The following CLIC4 variants were observed in gnomAD, a reference collection of about 807,000 sequenced individuals.
CLIC4 encodes chloride intracellular channel protein 4.
Under a neutral mutation model 24.6 loss-of-function variants are expected in CLIC4, and 13 were observed. The observed-to-expected ratio is 0.53, with a 90% confidence interval of 0.34 to 0.84. CLIC4 has a LOEUF of 0.84. CLIC4 is among the 40% of genes least tolerant of loss of function. CLIC4 has a pLI of 0.01. For synonymous variants in CLIC4, 104 were observed against 111.3 expected (o/e 0.93, Z 0.41); for missense variants, 227 against 301.7 (o/e 0.75, Z 1.83).
chr1:24,799,586 C>T (rs4644441), intron 2 of CLIC4, among the ~76,000 whole-genome samples: 85,502 of 142,250 alleles, frequency 0.6, 26,371 homozygotes, highest in Non-Finnish European at 0.69. Flanking sequence ...GCCGCCCCGT[C>T]GGGGAGGGAG....
At chr1:24,760,381 A>G (rs3120833) in intron 1 of CLIC4, among the ~76,000 whole-genome samples, 1,804 of 152,242 alleles carry the variant, frequency 0.012, 32 homozygotes, top group African/African-American at 0.041. Flanking sequence ...AAAAAGAAAA[A>G]GAAAAGAAAA....
chr1:24,813,249 G>A (rs1056935690), intron 2 of CLIC4, among the ~76,000 whole-genome samples: 1 of 151,582 alleles, frequency 6.6e-6, no homozygotes, highest in African/African-American at 2.4e-5. Context: ...TCACCATGTT[G>A]GTCAGGCTGG....
intron 1 of CLIC4, among the ~76,000 whole-genome samples, chr1:24,774,061 C>T (rs537984780): frequency 1.8e-4 from 28 of 152,326 alleles, no homozygotes; most frequent in African/African-American, 6.5e-4. Context: ...CAACCTCTGC[C>T]TCTTGGAGTC....
At chr1:24,799,698 T>TA (rs1639456096) in intron 2 of CLIC4, among the ~76,000 whole-genome samples, 1 of 64,408 alleles carries the variant, frequency 1.6e-5, no homozygotes. Context: ...GGGAGGGAGG[T>TA]GGGGGGGTCA....
At chr1:24,782,565 A>G (rs981294708) in intron 1 of CLIC4, among the ~76,000 whole-genome samples, 1 of 152,322 alleles carries the variant, frequency 6.6e-6, no homozygotes, top group African/African-American at 2.4e-5. Context: ...TGAAGATAAT[A>G]TATAAATGAT....
intron 1 of CLIC4, among the ~76,000 whole-genome samples, chr1:24,748,079 C>T (rs984226481): frequency 1.3e-5 from 2 of 151,002 alleles, no homozygotes; most frequent in Non-Finnish European, 2.9e-5. Flanking sequence ...ATTCAGTATT[C>T]TATTATTCTA....
rs1212033050 is a variant in CLIC4, at chr1:24,820,067, G to GTGTATATATATATATATATATATATATA, written c.308+5849_308+5850insGTATATATATATATATATATATATATAT. Among the ~76,000 whole-genome samples, 24 of 36,470 alleles carry GTGTATATATATATATATATATATATATA rather than the reference G, an allele frequency of 6.6e-4. 3 individuals are homozygous for GTGTATATATATATATATATATATATATA. Among genetic ancestry groups the GTGTATATATATATATATATATATATATA allele is most frequent in the East Asian group, 2.3e-3 (2 of 866 alleles). 23.9% of individuals were successfully genotyped at this position (36,470 alleles called of 152,430 possible). A position where few individuals can be genotyped will look rare whatever the true frequency, so the allele number is the denominator to read the frequency against. On this transcript the variant is annotated intron_variant, in intron 3 of 5. Coordinates refer to ENST00000374379, the MANE Select transcript of CLIC4 (RefSeq NM_013943.3). ...TACTTCAAAAAAAAAAAAAAAGTAT[G>GTGTATATATATATATATATATATATATA]TATATATATATGTATATATATATAT...
chr1:24,768,184 C>T (rs1296731491), intron 1 of CLIC4, among the ~76,000 whole-genome samples: 1 of 152,064 alleles, frequency 6.6e-6, no homozygotes, highest in Non-Finnish European at 1.5e-5. Flanking sequence ...GCCATGTTGC[C>T]CAGGCTGGTC....
At chr1:24,773,788 G>A (rs1363493409) in intron 1 of CLIC4, among the ~76,000 whole-genome samples, 1 of 151,528 alleles carries the variant, frequency 6.6e-6, no homozygotes, top group Non-Finnish European at 1.5e-5. Context: ...ATAGAGATGG[G>A]GGTCTCACTG....
At chr1:24,790,736 C>T (rs988246993) in intron 1 of CLIC4, among the ~76,000 whole-genome samples, 2 of 152,098 alleles carry the variant, frequency 1.3e-5, no homozygotes, top group African/African-American at 4.8e-5. Context: ...GTTTGGAGGC[C>T]CTGGTTTCCT....
At chr1:24,753,017 A>C (rs79070656) in intron 1 of CLIC4, among the ~76,000 whole-genome samples, 3 of 152,136 alleles carry the variant, frequency 2.0e-5, no homozygotes, top group Admixed American at 6.5e-5. Context: ...CACCGCGCCC[A>C]GCCTAATAGT....
intron 1 of CLIC4, among the ~76,000 whole-genome samples, chr1:24,796,108 A>T (rs1639396859): frequency 6.6e-6 from 1 of 152,200 alleles, no homozygotes; most frequent in South Asian, 2.1e-4. Context: ...TTATGAAAAC[A>T]TATTGTTTAT....
intron 2 of CLIC4, among the ~76,000 whole-genome samples, chr1:24,803,037 C>G (rs1639507857): frequency 6.6e-6 from 1 of 152,120 alleles, no homozygotes; most frequent in African/African-American, 2.4e-5. Flanking sequence ...TGAGTTTACA[C>G]ACTTGCAGTC....
intron 4 of CLIC4, among the ~76,000 whole-genome samples, chr1:24,831,442 T>C (rs924875421): frequency 6.6e-6 from 1 of 152,192 alleles, no homozygotes; most frequent in African/African-American, 2.4e-5. Context: ...AACATTAATT[T>C]AGAGCAGGTC....
rs1422396670 is a variant in CLIC4, at chr1:24,799,537, C to A, written c.182+1686C>A. Among the ~76,000 whole-genome samples the A allele has an allele frequency of 5.3e-5, 8 of 151,610 alleles. No homozygotes were observed. The East Asian group carries it at 5.9e-4, about 11-fold the overall frequency. ...GTGAGGAGCGTCTCCGCCCGGCAGC[C>A]CCCCCATCTGGGAAGTGAGGAGCGT... On this transcript the variant is annotated intron_variant, in intron 2 of 5. Transcript: ENST00000374379.
intron 4 of CLIC4, among the ~76,000 whole-genome samples, chr1:24,830,642 G>C (rs1447051121): frequency 1.3e-5 from 2 of 152,030 alleles, no homozygotes; most frequent in Non-Finnish European, 2.9e-5. Context: ...TTAGGACCCT[G>C]GTGTGTGTTA....
At chr1:24,777,124 G>C (rs1044421921) in intron 1 of CLIC4, among the ~76,000 whole-genome samples, 1 of 152,286 alleles carries the variant, frequency 6.6e-6, no homozygotes, top group African/African-American at 2.4e-5. Context: ...GCATGTGTGT[G>C]TGTATTTTGT....
At chr1:24,839,135 A>G (rs1305376745) in intron 4 of CLIC4, among the ~76,000 whole-genome samples, 9 of 152,320 alleles carry the variant, frequency 5.9e-5, no homozygotes, top group South Asian at 2.1e-4. Flanking sequence ...TGATAAATCA[A>G]AATATTCCTG....
chr1:24,787,702 A>ATTT (rs530843479), intron 1 of CLIC4, among the ~76,000 whole-genome samples: 3 of 139,136 alleles, frequency 2.2e-5, no homozygotes, highest in Non-Finnish European at 4.7e-5. Context: ...CGCCAGGCTA[A>ATTT]TTTTTTTTTT....
Sources: gnomAD v4.1 joint callset for allele counts (sites outside exome capture counted in the v4.1 genomes callset) on GRCh38, gnomAD v4.1.1 for gene constraint, MANE v1.5 for transcripts, NCBI Gene and HGNC (gene_info 2026-07-23, HGNC 2026-07-21) for gene names.